DLGAP2: variants seen among roughly 807,000 people sequenced by gnomAD.
DLGAP2 encodes the protein disks large-associated protein 2.
In DLGAP2, 26 loss-of-function variants were observed where a neutral mutation model predicts 100.3. The ratio of observed to expected loss-of-function variants is 0.26; its 90% CI spans 0.19 to 0.36. The LOEUF (loss-of-function observed/expected upper bound fraction) is 0.36. DLGAP2 is among the 10% of genes least tolerant of loss of function. DLGAP2 has a pLI of 1.00. For missense variants in DLGAP2, 1,858 were observed against 1,453.2 expected, an observed-to-expected ratio of 1.28 and a Z score of -4.53; for synonymous variants, 886 against 630.1, an observed-to-expected ratio of 1.41 and a Z score of -6.08.
intron 2 of DLGAP2, among the ~76,000 whole-genome samples, chr8:1,207,556 T>G (rs1006012680): frequency 6.6e-5 from 10 of 152,224 alleles, no homozygotes; most frequent in African/African-American, 2.2e-4. Context: ...TTTCGTATAA[T>G]GAGCCTTTTC....
intron 2 of DLGAP2, among the ~76,000 whole-genome samples, chr8:1,232,281 C>T (rs575893904): frequency 1.3e-5 from 2 of 152,302 alleles, no homozygotes; most frequent in East Asian, 1.9e-4. Flanking sequence ...TGGGTTTTCC[C>T]GGCTTGGCTT....
At chr8:1,114,245 GT>G (rs957329118) in intron 2 of DLGAP2, among the ~76,000 whole-genome samples, 3 of 152,006 alleles carry the variant, frequency 2.0e-5, no homozygotes, top group Non-Finnish European at 2.9e-5. Context: ...CTCCTTTTCA[GT>G]TTTTTTTAAT....
At chr8:1,026,819 G>A (rs1319556751) in intron 2 of DLGAP2, among the ~76,000 whole-genome samples, 1 of 152,194 alleles carries the variant, frequency 6.6e-6, no homozygotes, top group South Asian at 2.1e-4. Flanking sequence ...AAATACCCAT[G>A]AGATTAACGA....
intron 3 of DLGAP2, among the ~76,000 whole-genome samples, chr8:1,269,163 A>G (rs1476016930): frequency 1.3e-5 from 2 of 152,120 alleles, no homozygotes; most frequent in East Asian, 3.9e-4. Flanking sequence ...TCTCCGGGCC[A>G]TGTTCGTTGC....
intron 2 of DLGAP2, among the ~76,000 whole-genome samples, chr8:1,205,590 A>G (rs1000029417): frequency 6.6e-6 from 1 of 152,178 alleles, no homozygotes; most frequent in African/African-American, 2.4e-5. Flanking sequence ...ACACAGAGGC[A>G]CCAAGAGCTG....
intron 2 of DLGAP2, among the ~76,000 whole-genome samples, chr8:1,249,290 C>T (rs1798984739): frequency 2.6e-5 from 4 of 152,052 alleles, no homozygotes; most frequent in Admixed American, 2.6e-4. Context: ...CTCTGTGGGT[C>T]CCGTGGGAAG....
intron 2 of DLGAP2, among the ~76,000 whole-genome samples, chr8:1,169,163 C>T (rs1399378829): frequency 6.6e-6 from 1 of 151,698 alleles, no homozygotes; most frequent in South Asian, 2.1e-4. Context: ...GCTTGTTTTT[C>T]TAAGGTTTGT....
intron 1 of DLGAP2, among the ~76,000 whole-genome samples, chr8:754,532 C>T (rs974096231): frequency 3.9e-5 from 6 of 152,192 alleles, no homozygotes; most frequent in African/African-American, 1.2e-4. Context: ...ATTACTTAGA[C>T]GTCCAAGGCC....
At chr8:1,645,958 G>T (rs1369225026) in intron 8 of DLGAP2, among the ~76,000 whole-genome samples, 1 of 152,214 alleles carries the variant, frequency 6.6e-6, no homozygotes, top group African/African-American at 2.4e-5. Flanking sequence ...ATGGTTAGGT[G>T]ATGTTTGCCA....
intron 5 of DLGAP2, among the ~76,000 whole-genome samples, chr8:1,550,215 G>C (rs1233911524): frequency 1.3e-5 from 2 of 152,196 alleles, no homozygotes; most frequent in African/African-American, 2.4e-5. Flanking sequence ...CAAAGACTGA[G>C]TAGTGTCCCC....
intron 2 of DLGAP2, among the ~76,000 whole-genome samples, chr8:1,120,706 C>T (rs1006472492): frequency 3.3e-5 from 5 of 151,898 alleles, no homozygotes; most frequent in Middle Eastern, 3.2e-3. Flanking sequence ...CTTTAGAATC[C>T]GTTACCGCCC....
intron 3 of DLGAP2, among the ~76,000 whole-genome samples, chr8:1,365,109 A>G (rs1293248067): frequency 6.6e-6 from 1 of 152,320 alleles, no homozygotes; most frequent in East Asian, 1.9e-4. Flanking sequence ...TAGATGCTCT[A>G]CGAAGCGGGA....
At chr8:1,697,414 G>A (rs551592723) in intron 14 of DLGAP2, 115 bp downstream of exon 14, 18 of 1,426,598 alleles carry the variant, frequency 1.3e-5, no homozygotes, top group Middle Eastern at 3.7e-4. Flanking sequence ...GGCAACACAC[G>A]AGCAAATTTC....
intron 2 of DLGAP2, among the ~76,000 whole-genome samples, chr8:1,039,733 T>C (rs868342059): frequency 2.8e-4 from 31 of 109,744 alleles, no homozygotes; most frequent in South Asian, 6.8e-4. Flanking sequence ...GCTTGGTTTC[T>C]GTGGTCAGCT....
intron 6 of DLGAP2, among the ~76,000 whole-genome samples, chr8:1,572,312 G>A (rs868796721): frequency 4.7e-5 from 6 of 127,266 alleles, no homozygotes; most frequent in Non-Finnish European, 8.1e-5. Flanking sequence ...ATGAGATGGA[G>A]AGGAGAAAGG....
intron 12 of DLGAP2, among the ~76,000 whole-genome samples, chr8:1,690,486 C>G (rs946611436): frequency 3.3e-5 from 5 of 151,516 alleles, no homozygotes; most frequent in African/African-American, 1.2e-4. Context: ...GGGTGGATCA[C>G]CTGAGGTCGG....
At chr8:890,832 C>G (rs1396422189) in intron 1 of DLGAP2, among the ~76,000 whole-genome samples, 2 of 152,130 alleles carry the variant, frequency 1.3e-5, no homozygotes, top group African/African-American at 4.8e-5. Flanking sequence ...TGGGGCGTTT[C>G]CCGACCCCCC....
chr8:1,391,479 T>G (rs1796353391), intron 3 of DLGAP2, among the ~76,000 whole-genome samples: 1 of 152,042 alleles, frequency 6.6e-6, no homozygotes, highest in Admixed American at 6.5e-5. Context: ...AAGTGAGGGA[T>G]GATGAAAAAT....
At chr8:1,469,020 C>T (rs150550958) in intron 3 of DLGAP2, among the ~76,000 whole-genome samples, 420 of 152,372 alleles carry the variant, frequency 2.8e-3, no homozygotes, top group African/African-American at 9.0e-3. Context: ...GTCAGAGTCA[C>T]AGGCTCCGGG....
Sources: allele counts gnomAD v4.1 joint callset (sites outside exome capture counted in the v4.1 genomes callset), GRCh38; gene constraint gnomAD v4.1.1; transcripts MANE v1.5; gene names NCBI Gene and HGNC (gene_info 2026-07-23, HGNC 2026-07-21).